The following NOTCH2 variants were observed in gnomAD, a reference collection of about 807,000 sequenced individuals.
The protein encoded by NOTCH2 is notch receptor 2.
NOTCH2 carries 29 observed loss-of-function variants against 235.8 expected under a neutral mutation model. The observed-to-expected ratio is 0.12, with a 90% CI of 0.09 to 0.17. The LOEUF (loss-of-function observed/expected upper bound fraction) is 0.17. Among genes scored for constraint, NOTCH2 ranks in the 10% least tolerant of loss-of-function variants. NOTCH2 has a pLI of 1.00. For synonymous variants in NOTCH2, 1,086 were observed against 1,141.5 expected (o/e 0.95, Z 0.98); for missense variants, 2,285 against 3,150.2 (o/e 0.73, Z 6.57).
intron 2 of NOTCH2, among the ~76,000 whole-genome samples, chr1:120,010,327 T>G (rs1219494382): frequency 6.6e-6 from 1 of 152,108 alleles, no homozygotes; most frequent in Non-Finnish European, 1.5e-5. Context: ...AAATTTAATT[T>G]CTATCCAATT....
At chr1:119,985,127 G>A (rs747010971) in intron 5 of NOTCH2, among the ~76,000 whole-genome samples, 158 of 152,112 alleles carry the variant, frequency 1.0e-3, no homozygotes, top group Non-Finnish European at 1.7e-3. Flanking sequence ...AGCCATGAAA[G>A]GCTTCATATA....
chr1:119,983,327 A>G (rs1000578816), intron 5 of NOTCH2, among the ~76,000 whole-genome samples: 3 of 151,424 alleles, frequency 2.0e-5, no homozygotes, highest in East Asian at 3.9e-4. Context: ...CTAATTTTGT[A>G]TTTTTTGTAG....
At chr1:120,040,908 G>A (rs1466137270) in intron 1 of NOTCH2, among the ~76,000 whole-genome samples, 18 of 149,656 alleles carry the variant, frequency 1.2e-4, no homozygotes, top group African/African-American at 4.2e-4. Context: ...GGGCATGGTG[G>A]CGGGTGCCTG....
intron 12 of NOTCH2, among the ~76,000 whole-genome samples, chr1:119,957,313 A>G (rs1650744018): frequency 6.6e-6 from 1 of 152,240 alleles, no homozygotes; most frequent in Non-Finnish European, 1.5e-5. Flanking sequence ...CTGGATTGTT[A>G]TGAGAATTCA....
chr1:120,029,272 G>A (rs1553210582), intron 2 of NOTCH2, among the ~76,000 whole-genome samples: 1 of 151,254 alleles, frequency 6.6e-6, no homozygotes, highest in African/African-American at 2.4e-5. Flanking sequence ...AAGATAATAG[G>A]TAACATGTTA....
Position 119,969,514 on chromosome 1 carries a change from C to T in NOTCH2, c.1105G>A (p.Ala369Thr), listed in dbSNP as rs2101147986. 1.2e-6 allele frequency: 2 copies of T among 1,613,586 alleles called. No individual in the cohort carries two copies. Among genetic ancestry groups the T allele is most frequent in the Non-Finnish European group, 8.5e-7 (1 of 1,179,776 alleles). The change falls in exon 6 of 34, where the codon GCA becomes ACA. Residue 369 changes from alanine (A) to threonine (T), a missense_variant. Coordinates refer to ENST00000256646, the MANE Select transcript of NOTCH2 (RefSeq NM_024408.4). The stretch of plus-strand genomic sequence containing the variant: ...GATCCGTCCTTCTGCTACCTACCTG[C>T]CTTCCCCTCTGGGCACATGCAAGAG... ...SFSCMCPEGK[A>T]GLLCHLDDAC... is the part of the protein sequence containing the mutation.
chr1:119,960,839 T>C (rs183555618), intron 11 of NOTCH2, among the ~76,000 whole-genome samples: 1 of 152,232 alleles, frequency 6.6e-6, no homozygotes, highest in Non-Finnish European at 1.5e-5. Context: ...AATTTTTATT[T>C]ATTTTTTGTA....
At chr1:119,966,563 C>T in intron 8 of NOTCH2, 74 bp from the exon 9 acceptor site, 3 of 993,022 alleles carry the variant, frequency 3.0e-6, no homozygotes, top group Non-Finnish European at 4.9e-6. Flanking sequence ...CACAAATTTG[C>T]AATGATAACT....
At chr1:119,972,639 G>C (rs1279677485) in intron 5 of NOTCH2, among the ~76,000 whole-genome samples, 1 of 152,230 alleles carries the variant, frequency 6.6e-6, no homozygotes, top group African/African-American at 2.4e-5. Flanking sequence ...ACTCTTGGGA[G>C]AGGAAACCAG....
chr1:119,918,716 A>C (rs1649170542), intron 31 of NOTCH2, among the ~76,000 whole-genome samples, 163 bp from the exon 32 acceptor site: 1 of 152,254 alleles, frequency 6.6e-6, no homozygotes, highest in Non-Finnish European at 1.5e-5. Context: ...ATGATCAATC[A>C]ATAAATATTT....
chr1:119,986,853 G>A (rs1387419209), intron 5 of NOTCH2, 107 bp downstream of exon 5: 7 of 1,408,536 alleles, frequency 5.0e-6, no homozygotes, highest in Non-Finnish European at 7.0e-6. Flanking sequence ...TCACATACTG[G>A]TTCCAGAGCA....
At chr1:119,942,756 T>C (rs1650105208) in intron 17 of NOTCH2, among the ~76,000 whole-genome samples, 1 of 152,228 alleles carries the variant, frequency 6.6e-6, no homozygotes, top group African/African-American at 2.4e-5. Context: ...ACATGTTACT[T>C]AATGTGAGAA....
chr1:119,920,122 T>G, intron 30 of NOTCH2, 107 bp downstream of exon 30: 3 of 1,236,490 alleles, frequency 2.4e-6, no homozygotes, highest in Non-Finnish European at 3.5e-6. Context: ...TTAGAGTCTG[T>G]GAAATTGGGA....
chr1:119,924,641 A>G (rs143863149), intron 25 of NOTCH2, among the ~76,000 whole-genome samples: 367 of 152,248 alleles, frequency 2.4e-3, no homozygotes, highest in African/African-American at 8.4e-3. Context: ...TGATATTTAT[A>G]CTATTTGGTA....
intron 21 of NOTCH2, 71 bp from the exon 22 acceptor site, chr1:119,935,675 G>C: frequency 6.5e-7 from 1 of 1,532,162 alleles, no homozygotes. Flanking sequence ...GAGCTAGTGA[G>C]ATCTGGAACA....
chr1:119,915,414 C>G lies in NOTCH2; in HGVS notation c.7308G>C (p.Trp2436Cys). Reference protein sequence around the residue: ...SSSSPHSASDWSDVTTSPTPG... With the variant: ...SSSSPHSASDCSDVTTSPTPG... The stretch of plus-strand genomic sequence containing the variant: ...GGGTAGGGCTGGTGGTCACATCTGA[C>G]CAGTCAGAAGCAGAGTGGGGTGATG... Residue 2436 changes from tryptophan (W) to cysteine (C), a missense_variant, in exon 34 of 34, where the codon TGG becomes TGC. By Grantham distance (215) the Trp-to-Cys change is radical. Coordinates refer to ENST00000256646, the MANE Select transcript of NOTCH2 (RefSeq NM_024408.4). 1 of 1,614,168 alleles carries G rather than the reference C, an allele frequency of 6.2e-7. No individual in the cohort carries two copies. The highest frequency in any genetic ancestry group is 8.5e-7 in the Non-Finnish European group (1 of 1,180,024).
rs587606020 is a variant in NOTCH2 at position 119,938,901 on chromosome 1, C to T, written c.3184-891G>A. 1.1e-4 allele frequency among the ~76,000 whole-genome samples: 16 copies of T among 152,250 alleles called. No homozygotes were observed. The South Asian group carries it at 1.7e-3, about 16-fold the overall frequency. ...TTCACCGTGTTAGCCAGGACGGTCTCGATCTCCTGACCTCGTGATCCACCT... is the reference window on the plus strand; with the variant it reads ...TTCACCGTGTTAGCCAGGACGGTCTTGATCTCCTGACCTCGTGATCCACCT... On this transcript the variant is annotated intron_variant, in intron 19 of 33. Transcript: ENST00000256646.
In NOTCH2 at chr1:120,005,601, G is replaced by T; in HGVS notation, c.156-13C>A. 1 of 1,501,904 alleles carries T rather than the reference G, an allele frequency of 6.7e-7. No individual in the cohort carries two copies. 93.0% of individuals were successfully genotyped at this position (1,501,904 alleles called of 1,614,324 possible). ...GCCTTCTGGACATCTGTATGGAAAA[G>T]AGAAGAGTCCATGAAAACACCTGAC... On this transcript the variant is annotated splice_polypyrimidine_tract_variant and intron_variant, in intron 2 of 33. Coordinates refer to ENST00000256646, the MANE Select transcript of NOTCH2 (RefSeq NM_024408.4).
chr1:119,940,750 A>G lies in NOTCH2; in HGVS notation c.2988T>C (p.Cys996=). ...CATCAACACATGTGCCACCATTGAA[A>G]CAGGAGCTAAGAAGCAAACAGAGCA... ...NNINECTESS[C]FNGGTCVDGI... Residue 996 remains cysteine (C), a synonymous_variant, in exon 19 of 34, where the codon TGT becomes TGC. Coordinates refer to ENST00000256646, the MANE Select transcript of NOTCH2 (RefSeq NM_024408.4). The G allele has an allele frequency of 1.2e-6, 2 of 1,614,148 alleles. No homozygotes were observed.
Sources: gnomAD v4.1 joint callset for allele counts (sites outside exome capture counted in the v4.1 genomes callset) on GRCh38, gnomAD v4.1.1 for gene constraint, MANE v1.5 for transcripts, NCBI Gene and HGNC (gene_info 2026-07-23, HGNC 2026-07-21) for gene names.